The following POU6F2 variants were observed in gnomAD, a reference collection of about 807,000 sequenced individuals.
POU6F2 encodes POU class 6 homeobox 2, also known as POU domain, class 6, transcription factor 2.
POU6F2 carries 31 observed loss-of-function variants against 71.3 expected under a neutral mutation model. That is an observed-to-expected ratio of 0.43 (90% CI 0.33 to 0.59). The LOEUF (loss-of-function observed/expected upper bound fraction) is 0.59, where lower values mean the gene tolerates loss of function less well. Among genes scored for constraint, POU6F2 ranks in the 20% least tolerant of loss-of-function variants. POU6F2 has a pLI of 0.04. For synonymous variants in POU6F2, 347 were observed against 355.7 expected, an observed-to-expected ratio of 0.98 and a Z score of 0.27; for missense variants, 783 against 856.8, an observed-to-expected ratio of 0.91 and a Z score of 1.07.
chr7:39,044,017 A>G (rs1471198663), intron 1 of POU6F2, among the ~76,000 whole-genome samples: 2 of 151,866 alleles, frequency 1.3e-5, no homozygotes, highest in Non-Finnish European at 2.9e-5. Context: ...ATGCCCCTTC[A>G]TCAGAATCAC....
chr7:39,457,088 A>G (rs1050724589), intron 8 of POU6F2, among the ~76,000 whole-genome samples: 1 of 152,250 alleles, frequency 6.6e-6, no homozygotes, highest in Non-Finnish European at 1.5e-5. Context: ...AGCCTGCACG[A>G]TCACACATAC....
At chr7:39,099,026 A>G (rs190183368) in intron 2 of POU6F2, among the ~76,000 whole-genome samples, 2 of 152,238 alleles carry the variant, frequency 1.3e-5, no homozygotes, top group East Asian at 3.9e-4. Context: ...CCCCTTCTTC[A>G]GTCTTTGCTT....
chr7:39,442,411 C>G (rs944325855), intron 7 of POU6F2, among the ~76,000 whole-genome samples: 2 of 152,222 alleles, frequency 1.3e-5, no homozygotes, highest in African/African-American at 4.8e-5. Context: ...AGAATCCCAG[C>G]AAGGTCTGAA....
intron 6 of POU6F2, among the ~76,000 whole-genome samples, chr7:39,413,644 C>T (rs915954306): frequency 2.0e-5 from 3 of 151,998 alleles, no homozygotes; most frequent in Admixed American, 6.6e-5. Context: ...AATTAAGTCA[C>T]GTTGTGTGAA....
chr7:38,993,295 A>T (rs1024112367), intron 1 of POU6F2, among the ~76,000 whole-genome samples: 1 of 152,132 alleles, frequency 6.6e-6, no homozygotes, highest in Admixed American at 6.6e-5. Flanking sequence ...TTAAGGAAAA[A>T]GGAATATAGG....
chr7:39,283,964 G>A (rs1442262987), intron 4 of POU6F2, among the ~76,000 whole-genome samples: 1 of 152,158 alleles, frequency 6.6e-6, no homozygotes, highest in Non-Finnish European at 1.5e-5. Context: ...AACCATTTAA[G>A]TGATTTGCTT....
intron 6 of POU6F2, among the ~76,000 whole-genome samples, chr7:39,416,090 G>GCACA (rs1245211895): frequency 7.1e-5 from 5 of 69,964 alleles, no homozygotes; most frequent in South Asian, 4.7e-4. Context: ...TCTCTCGAAG[G>GCACA]CATACACACA....
intron 2 of POU6F2, among the ~76,000 whole-genome samples, chr7:39,176,364 A>G (rs1401415371): frequency 6.6e-6 from 1 of 152,170 alleles, no homozygotes; most frequent in Non-Finnish European, 1.5e-5. Context: ...AGGAATGTTA[A>G]TTTTATCTTT....
At chr7:39,417,285 T>G (rs935321415) in intron 6 of POU6F2, among the ~76,000 whole-genome samples, 1 of 152,174 alleles carries the variant, frequency 6.6e-6, no homozygotes, top group Non-Finnish European at 1.5e-5. Flanking sequence ...GTTGACATGA[T>G]GAATACTCTT....
At chr7:39,319,639 A>G (rs979717902) in intron 4 of POU6F2, among the ~76,000 whole-genome samples, 1 of 152,226 alleles carries the variant, frequency 6.6e-6, no homozygotes, top group African/African-American at 2.4e-5. Flanking sequence ...GCCAGCCACC[A>G]GGGCCACAAT....
At chr7:39,215,070 A>C (rs546710117) in intron 4 of POU6F2, among the ~76,000 whole-genome samples, 10 of 152,340 alleles carry the variant, frequency 6.6e-5, no homozygotes, top group African/African-American at 2.4e-4. Context: ...GGAGGCCGAA[A>C]GTGGTAGCTC....
chr7:39,322,627 C>G (rs1785420597), intron 4 of POU6F2, among the ~76,000 whole-genome samples: 1 of 152,180 alleles, frequency 6.6e-6, no homozygotes. Context: ...TCCTATAGCA[C>G]ACCTTCAAAT....
At chr7:39,186,312 A>T (rs555849146) in intron 2 of POU6F2, among the ~76,000 whole-genome samples, 1 of 152,160 alleles carries the variant, frequency 6.6e-6, no homozygotes, top group Non-Finnish European at 1.5e-5. Flanking sequence ...CAGGTAGATA[A>T]ATGACAGCTG....
chr7:39,095,131 G>A (rs1791430089), intron 2 of POU6F2, among the ~76,000 whole-genome samples: 2 of 152,158 alleles, frequency 1.3e-5, no homozygotes, highest in Admixed American at 1.3e-4. Context: ...TCTCAGTTAT[G>A]AGGGAAAACT....
rs561182541 is a variant in POU6F2 at position 39,201,045 on chromosome 7, A to G, written c.278-3190A>G. ...CTGTCTCTCTCAAAAAAAAATACAA[A>G]TTAAATATTTTCATTAAATAATAAT... On this transcript the variant is annotated intron_variant, in intron 2 of 9. Coordinates refer to ENST00000518318, the MANE Select transcript of POU6F2 (RefSeq NM_001370959.1). Among the ~76,000 whole-genome samples, 32 of 152,202 alleles carry G rather than the reference A, an allele frequency of 2.1e-4. No homozygotes were observed. The South Asian group carries it at 6.6e-3, about 32-fold the overall frequency.
At chr7:39,140,084 C>T in intron 2 of POU6F2, among the ~76,000 whole-genome samples, 1 of 152,164 alleles carries the variant, frequency 6.6e-6, no homozygotes, top group Non-Finnish European at 1.5e-5. Flanking sequence ...TGTTACTTAT[C>T]CCTCCCCACA....
At chr7:39,076,613 C>A (rs180739126) in intron 1 of POU6F2, among the ~76,000 whole-genome samples, 2 of 152,226 alleles carry the variant, frequency 1.3e-5, no homozygotes, top group Admixed American at 1.3e-4. Flanking sequence ...TGCCAATATG[C>A]AATATGGGCA....
intron 5 of POU6F2, among the ~76,000 whole-genome samples, chr7:39,363,643 T>C (rs1288476593): frequency 6.8e-6 from 1 of 147,848 alleles, no homozygotes; most frequent in African/African-American, 2.5e-5. Context: ...GAAGAGAAAT[T>C]GGCCTACGAG....
chr7:39,464,612 C>T lies in POU6F2; in HGVS notation c.2089C>T (p.Arg697Cys), dbSNP rs150758284. ...KRQALKNTIK[R>C]LKQHEPATAV... is the part of the protein sequence containing the mutation. ...GCAAGCCCTGAAGAACACAATTAAA[C>T]GCTTAAAACAGCACGAGCCGGCCAC... Residue 697 changes from arginine (R) to cysteine (C), a missense_variant, in exon 10 of 10, where the codon CGC becomes TGC. Arg to Cys is a radical substitution (Grantham distance 180). Transcript: ENST00000518318. The surrounding 1 kb of genome is among the most constrained non-coding windows in gnomAD (Gnocchi z 4.1). 7.5e-6 allele frequency: 12 copies of T among 1,610,442 alleles called. No individual in the cohort carries two copies. Among genetic ancestry groups the T allele is most frequent in the South Asian group, 2.2e-5 (2 of 90,266 alleles).
Sources: allele counts gnomAD v4.1 joint callset (sites outside exome capture counted in the v4.1 genomes callset), GRCh38; gene constraint gnomAD v4.1.1; non-coding constraint Gnocchi (gnomAD v3.1); transcripts MANE v1.5; gene names NCBI Gene and HGNC (gene_info 2026-07-23, HGNC 2026-07-21).